Variants in PAN3 observed in about 807,000 individuals in gnomAD.
PAN3 encodes poly(A) specific ribonuclease subunit PAN3, also known as PAN2-PAN3 deadenylation complex subunit PAN3.
In PAN3, 19 loss-of-function variants were observed where a neutral mutation model predicts 96.2. The ratio of observed to expected loss-of-function variants is 0.20; its 90% CI spans 0.14 to 0.29. The LOEUF is 0.29. PAN3 is among the 10% of genes least tolerant of loss of function. PAN3 has a pLI of 1.00. For synonymous variants in PAN3, 433 were observed against 406.6 expected, an observed-to-expected ratio of 1.06 and a Z score of -0.78; for missense variants, 882 against 1,108.1, an observed-to-expected ratio of 0.80 and a Z score of 2.90.
chr13:28,251,901 G>GC (rs1273402922), intron 6 of PAN3, among the ~76,000 whole-genome samples: 2 of 113,374 alleles, frequency 1.8e-5, no homozygotes, highest in Non-Finnish European at 2.0e-5. Context: ...TGTTTGTTTG[G>GC]TTTTGAGACA....
chr13:28,283,690 CCTGA>C (rs1868581598), intron 17 of PAN3, among the ~76,000 whole-genome samples: 1 of 152,178 alleles, frequency 6.6e-6, no homozygotes, highest in Admixed American at 6.5e-5. Flanking sequence ...ACAAATATGA[CCTGA>C]CTTATTCCTC....
At chr13:28,171,192 A>G (rs1874255949) in intron 1 of PAN3, among the ~76,000 whole-genome samples, 1 of 152,176 alleles carries the variant, frequency 6.6e-6, no homozygotes, top group Non-Finnish European at 1.5e-5. Context: ...ACACATCATT[A>G]CCCTCAAATA....
In PAN3 at chr13:28,294,144, C is replaced by A. The variant is rs1870081644; in HGVS notation, c.*1622C>A. ...TAGAGACACGCTTTACACGTTTTAACAAGTATATTGAGTCCACGTTTGGTA... is the reference window on the plus strand; with the variant it reads ...TAGAGACACGCTTTACACGTTTTAAAAAGTATATTGAGTCCACGTTTGGTA... On this transcript the variant is annotated 3_prime_UTR_variant, in exon 19 of 19. Coordinates refer to ENST00000380958, the MANE Select transcript of PAN3 (RefSeq NM_175854.8). The A allele has an allele frequency of 6.6e-6, 1 of 152,614 alleles. No homozygotes were observed. The highest frequency in any genetic ancestry group is 1.5e-5 in the Non-Finnish European group (1 of 68,030). The allele number at this position is 152,614 out of a possible 1,614,324, so 9.5% of individuals were successfully genotyped here.
intron 1 of PAN3, among the ~76,000 whole-genome samples, chr13:28,145,937 T>G (rs913507334): frequency 6.6e-6 from 1 of 151,830 alleles, no homozygotes; most frequent in Non-Finnish European, 1.5e-5. Context: ...CAGCTAATTT[T>G]TATATTTTTA....
chr13:28,207,703 C>T (rs554035046), intron 5 of PAN3, among the ~76,000 whole-genome samples: 2 of 152,330 alleles, frequency 1.3e-5, no homozygotes, highest in East Asian at 3.9e-4. Context: ...ATTGTCCTAG[C>T]ACTTACCAGA....
chr13:28,163,697 G>A (rs1873167278), intron 1 of PAN3, among the ~76,000 whole-genome samples: 1 of 152,182 alleles, frequency 6.6e-6, no homozygotes, highest in Non-Finnish European at 1.5e-5. Context: ...AGATGGTAAA[G>A]TGTGGGAGAT....
intron 14 of PAN3, among the ~76,000 whole-genome samples, chr13:28,276,894 G>GA (rs1223933510): frequency 1.3e-5 from 2 of 152,104 alleles, no homozygotes; most frequent in African/African-American, 4.8e-5. Context: ...ATTTAAATAA[G>GA]AAAAAATTAG....
chr13:28,242,097 A>G (rs1226359268), intron 6 of PAN3, among the ~76,000 whole-genome samples: 2 of 152,218 alleles, frequency 1.3e-5, no homozygotes, highest in African/African-American at 2.4e-5. Flanking sequence ...TTGTCAGAAG[A>G]ATGTCCTTCA....
rs1176295329 is a variant in PAN3 at position 28,260,558 on chromosome 13, T to A, written c.1353+7T>A. The A allele has an allele frequency of 1.3e-6, 2 of 1,596,258 alleles. No homozygotes were observed. On this transcript the variant is annotated splice_region_variant and intron_variant, in intron 8 of 18. Transcript: ENST00000380958. Reference sequence around the variant, plus strand: ...GGCTGATGAACTCCGACAGGTATGCTTTCAGAATTCATAGTAGGAATACTT... The same window carrying A: ...GGCTGATGAACTCCGACAGGTATGCATTCAGAATTCATAGTAGGAATACTT...
chr13:28,283,896 GC>G (rs1416107759), intron 17 of PAN3, among the ~76,000 whole-genome samples: 1 of 152,148 alleles, frequency 6.6e-6, no homozygotes, highest in African/African-American at 2.4e-5. Flanking sequence ...TACTTTAATG[GC>G]CTGGTAGTAG....
intron 15 of PAN3, among the ~76,000 whole-genome samples, chr13:28,278,018 A>G (rs1887197246): frequency 6.6e-6 from 1 of 152,266 alleles, no homozygotes; most frequent in South Asian, 2.1e-4. Context: ...CTTCTCCGTA[A>G]GATATAGCTA....
intron 5 of PAN3, among the ~76,000 whole-genome samples, chr13:28,203,423 C>T (rs1003520170): frequency 3.3e-5 from 5 of 152,132 alleles, no homozygotes; most frequent in Non-Finnish European, 7.4e-5. Context: ...CCCACTTTAG[C>T]CTCCCAAGTA....
chr13:28,175,708 A>G (rs984700876), intron 2 of PAN3, among the ~76,000 whole-genome samples: 1 of 152,228 alleles, frequency 6.6e-6, no homozygotes, highest in Non-Finnish European at 1.5e-5. Flanking sequence ...GTTATGTTTT[A>G]TGAACAATAT....
At chr13:28,149,231 G>A (rs997545865) in intron 1 of PAN3, among the ~76,000 whole-genome samples, 2 of 152,108 alleles carry the variant, frequency 1.3e-5, no homozygotes, top group Non-Finnish European at 2.9e-5. Context: ...TGGTGCACCT[G>A]TAGTCCCAGC....
chr13:28,269,522 A>G (rs1164943645), intron 12 of PAN3, among the ~76,000 whole-genome samples: 1 of 152,160 alleles, frequency 6.6e-6, no homozygotes, highest in East Asian at 1.9e-4. Context: ...GAAGAATAGC[A>G]TACCATGTGG....
intron 5 of PAN3, among the ~76,000 whole-genome samples, chr13:28,218,580 A>G (rs532968667): frequency 1.3e-5 from 2 of 152,190 alleles, no homozygotes; most frequent in East Asian, 3.9e-4. Flanking sequence ...AATAACTTCC[A>G]CTCGTACATA....
intron 1 of PAN3, among the ~76,000 whole-genome samples, chr13:28,141,760 G>T (rs996721310): frequency 9.2e-5 from 14 of 152,104 alleles, no homozygotes; most frequent in African/African-American, 3.4e-4. Context: ...GCACCTGGCC[G>T]AGGATTTTCT....
chr13:28,238,189 A>C lies in PAN3; in HGVS notation c.1000+17811A>C, dbSNP rs543443353. ...CCAGTACATAGGTTAAGGAGGCTGG[A>C]AGGCTGCAGCACTTTTCTTAGCTGA... On this transcript the variant is annotated intron_variant, in intron 6 of 18. Transcript: ENST00000380958. Among the ~76,000 whole-genome samples the C allele has an allele frequency of 8.5e-5, 13 of 152,328 alleles. 1 individual carries two copies. In the South Asian group the frequency reaches 2.7e-3, roughly 32 times the overall value.
chr13:28,209,730 G>A (rs1027573078), intron 5 of PAN3, among the ~76,000 whole-genome samples: 4 of 151,602 alleles, frequency 2.6e-5, no homozygotes, highest in Admixed American at 6.6e-5. Flanking sequence ...TTCTTCTCCC[G>A]TCTCCTCCCG....
Sources: gnomAD v4.1 joint callset for allele counts (sites outside exome capture counted in the v4.1 genomes callset) on GRCh38, gnomAD v4.1.1 for gene constraint, MANE v1.5 for transcripts, NCBI Gene and HGNC (gene_info 2026-07-23, HGNC 2026-07-21) for gene names.